The following ARHGEF11 variants were observed in gnomAD, a reference collection of about 807,000 sequenced individuals.
The protein encoded by ARHGEF11 is Rho guanine nucleotide exchange factor 11.
In ARHGEF11, 55 loss-of-function variants were observed where a neutral mutation model predicts 193.7. The observed-to-expected ratio is 0.28, with a 90% CI of 0.23 to 0.36. ARHGEF11 has a LOEUF of 0.36. Among genes scored for constraint, ARHGEF11 ranks in the 10% least tolerant of loss-of-function variants. ARHGEF11 has a pLI of 1.00. For synonymous variants in ARHGEF11, 693 were observed against 768.0 expected (o/e 0.90, Z 1.62); for missense variants, 1,723 against 2,005.6 (o/e 0.86, Z 2.69).
In ARHGEF11 at chr1:156,946,771, C is replaced by T. The variant is rs745336256; in HGVS notation, c.2585G>A (p.Arg862Gln). Residue 862 changes from arginine to glutamine, a missense_variant, in exon 28 of 41, where the codon CGA becomes CAA. Transcript: ENST00000368194. The part of the protein sequence containing the change: ...LMLARFDGPA[R>Q]EELQQVAAQF... ...TGCAGCCACTTGCTGGAGTTCCTCTCGGGCAGGGCCATCAAACTGAAGAGG... is the reference window on the plus strand; with the variant it reads ...TGCAGCCACTTGCTGGAGTTCCTCTTGGGCAGGGCCATCAAACTGAAGAGG... The T allele has an allele frequency of 1.2e-5, 20 of 1,614,056 alleles. No individual in the cohort carries two copies. Among genetic ancestry groups the T allele is most frequent in the Admixed American group, 3.3e-5 (2 of 60,002 alleles).
intron 11 of ARHGEF11, 69 bp downstream of exon 11, chr1:156,967,918 G>C (rs1458094161): frequency 6.2e-7 from 1 of 1,607,934 alleles, no homozygotes; most frequent in Non-Finnish European, 8.5e-7. Context: ...CGATGTACTG[G>C]TAACACCCAT....
At chr1:156,998,325 G>A (rs943212858) in intron 1 of ARHGEF11, among the ~76,000 whole-genome samples, 2 of 152,048 alleles carry the variant, frequency 1.3e-5, no homozygotes, top group African/African-American at 2.4e-5. Context: ...AGCTCACATC[G>A]GACTTATCCA....
At chr1:156,945,968 G>A (rs113786675) in intron 29 of ARHGEF11, 77 bp downstream of exon 29, 4 of 1,189,486 alleles carry the variant, frequency 3.4e-6, no homozygotes, top group Non-Finnish European at 3.7e-6. Context: ...GACTTGCTAA[G>A]GTCACAAAGC....
chr1:157,029,261 T>TTCGTTGTTG, intron 1 of ARHGEF11, among the ~76,000 whole-genome samples: 1 of 150,420 alleles, frequency 6.6e-6, no homozygotes, highest in Non-Finnish European at 1.5e-5. Flanking sequence ...TTTGGTGGTT[T>TTCGTTGTTG]TTGTTGTTGT....
At chr1:157,024,282 C>T (rs1218909572) in intron 1 of ARHGEF11, among the ~76,000 whole-genome samples, 1 of 151,902 alleles carries the variant, frequency 6.6e-6, no homozygotes, top group Non-Finnish European at 1.5e-5. Context: ...CTGTAGGGAG[C>T]GGGAATGAGA....
chr1:156,993,145 T>C (rs1666012051), intron 1 of ARHGEF11, among the ~76,000 whole-genome samples: 2 of 152,234 alleles, frequency 1.3e-5, no homozygotes, highest in Non-Finnish European at 2.9e-5. Flanking sequence ...ACATCCCCAT[T>C]TTCCAGTGTG....
intron 34 of ARHGEF11, 25 bp from the exon 35 acceptor site, chr1:156,941,458 T>C (rs371264541): frequency 3.1e-6 from 5 of 1,606,974 alleles, no homozygotes; most frequent in Non-Finnish European, 4.3e-6. Context: ...CAACACAGGA[T>C]GAGATCCCAT....
In ARHGEF11 at chr1:156,935,846, T is replaced by C; in HGVS notation, c.*154A>G. ...TCCGACTTGAGCAGACCAAGCAACA[T>C]GCGGGTCTCCCCCCGGGCCTTGGCT... is the stretch of plus-strand genomic sequence containing the variant. On this transcript the variant is annotated 3_prime_UTR_variant, in exon 41 of 41. Coordinates refer to ENST00000368194, the MANE Select transcript of ARHGEF11 (RefSeq NM_198236.3). 1 of 815,446 alleles carries C rather than the reference T, an allele frequency of 1.2e-6. No individual in the cohort carries two copies. Among genetic ancestry groups the C allele is most frequent in the Non-Finnish European group, 1.9e-6 (1 of 524,580 alleles). 50.5% of individuals were successfully genotyped at this position (815,446 alleles called of 1,614,324 possible).
intron 35 of ARHGEF11, 84 bp from the exon 36 acceptor site, chr1:156,940,509 G>C: frequency 7.8e-7 from 1 of 1,285,336 alleles, no homozygotes; most frequent in South Asian, 1.6e-5. Context: ...TGGAGCCAAG[G>C]GGCTGGGAAC....
intron 9 of ARHGEF11, 115 bp from the exon 10 acceptor site, chr1:156,969,473 C>A: frequency 2.1e-6 from 2 of 949,384 alleles, no homozygotes; most frequent in Admixed American, 2.2e-5. Flanking sequence ...CCTTTTCTTT[C>A]ACCAGTTTCC....
intron 11 of ARHGEF11, among the ~76,000 whole-genome samples, chr1:156,964,800 C>T (rs549671558): frequency 6.6e-6 from 1 of 152,210 alleles, no homozygotes; most frequent in Non-Finnish European, 1.5e-5. Context: ...ACACCCTACT[C>T]TCTGACCCTC....
chr1:156,940,444 G>A lies in ARHGEF11; in HGVS notation c.3515-19C>T, dbSNP rs1656582772. 1.3e-6 allele frequency: 2 copies of A among 1,587,280 alleles called. No individual in the cohort carries two copies. ...CCAGTGCCTGTTTCGGATGAGAGAA[G>A]ATTGTAAGGCAGGGAAAGGGAGAGG... On this transcript the variant is annotated intron_variant, in intron 35 of 40. Coordinates refer to ENST00000368194, the MANE Select transcript of ARHGEF11 (RefSeq NM_198236.3).
chr1:157,004,572 C>T (rs762193172), intron 1 of ARHGEF11, among the ~76,000 whole-genome samples: 20 of 152,234 alleles, frequency 1.3e-4, no homozygotes, highest in Non-Finnish European at 2.2e-4. Context: ...ATCTGAACCA[C>T]TGCATAGCCG....
intron 1 of ARHGEF11, among the ~76,000 whole-genome samples, chr1:157,020,946 C>T (rs1041591481): frequency 2.6e-5 from 4 of 152,178 alleles, no homozygotes; most frequent in African/African-American, 9.7e-5. Context: ...AATGTCTGTC[C>T]ATGTGCTCCC....
In ARHGEF11 at chr1:156,986,120, G is replaced by A. The variant is rs745957344; in HGVS notation, c.86C>T (p.Ser29Phe). The A allele has an allele frequency of 1.9e-6, 3 of 1,614,022 alleles. No individual in the cohort carries two copies. Among genetic ancestry groups the A allele is most frequent in the Non-Finnish European group, 2.5e-6 (3 of 1,179,938 alleles). Residue 29 changes from serine (S) to phenylalanine (F), a missense_variant, in exon 2 of 41, where the codon TCC (serine) becomes TTC (phenylalanine). Transcript: ENST00000368194. ...GGCATCCGAAGGCTGGCGATGGTGGGAAGGGGACTTGCGCTCTGGTGCAGA... is the reference window on the plus strand; with the variant it reads ...GGCATCCGAAGGCTGGCGATGGTGGAAAGGGGACTTGCGCTCTGGTGCAGA... ...GDSAPERKSP[S>F]HHRQPSDASE...
At chr1:157,026,629 G>A (rs1053207364) in intron 1 of ARHGEF11, among the ~76,000 whole-genome samples, 1 of 152,200 alleles carries the variant, frequency 6.6e-6, no homozygotes, top group Non-Finnish European at 1.5e-5. Context: ...CAAGCAAGGG[G>A]AGGAAGTCCA....
At chr1:157,024,003 A>C (rs1333917217) in intron 1 of ARHGEF11, among the ~76,000 whole-genome samples, 1 of 152,226 alleles carries the variant, frequency 6.6e-6, no homozygotes, top group Non-Finnish European at 1.5e-5. Flanking sequence ...TCATAGCAGC[A>C]TTATTCATAA....
At chr1:157,038,735 G>A (rs570199784) in intron 1 of ARHGEF11, among the ~76,000 whole-genome samples, 3 of 152,260 alleles carry the variant, frequency 2.0e-5, no homozygotes, top group East Asian at 3.9e-4. Flanking sequence ...CAGACCTTAA[G>A]AACACCTTCC....
chr1:156,965,947 C>A (rs1374676887), intron 11 of ARHGEF11, among the ~76,000 whole-genome samples: 1 of 152,186 alleles, frequency 6.6e-6, no homozygotes, highest in Non-Finnish European at 1.5e-5. Flanking sequence ...TTCAGTCATT[C>A]ATTCACTACA....
Sources: allele counts gnomAD v4.1 joint callset (sites outside exome capture counted in the v4.1 genomes callset), GRCh38; gene constraint gnomAD v4.1.1; transcripts MANE v1.5; gene names NCBI Gene and HGNC (gene_info 2026-07-23, HGNC 2026-07-21).